LYRM1: variants seen among roughly 807,000 people sequenced by gnomAD.
LYRM1 encodes LYR motif-containing protein 1.
In LYRM1, 14 loss-of-function variants were observed where a neutral mutation model predicts 14.9. That is an observed-to-expected ratio of 0.94 (90% CI 0.62 to 1.47). The LOEUF is 1.47. Among genes scored for constraint, LYRM1 ranks in the 40% most tolerant of loss-of-function variants. The probability of loss-of-function intolerance (pLI) is 0.00; values close to 1 mark genes in which losing one functional copy is unlikely to be tolerated. For synonymous variants in LYRM1, 43 were observed against 56.2 expected (o/e 0.77, Z 1.05); for missense variants, 153 against 149.9 (o/e 1.02, Z -0.11).
At chr16:20,923,573 A>G (rs2083315302) in intron 3 of LYRM1, among the ~76,000 whole-genome samples, 1 of 151,826 alleles carries the variant, frequency 6.6e-6, no homozygotes, top group East Asian at 1.9e-4. Flanking sequence ...CTTGCTAGGC[A>G]GTTAGTTTGA....
At chr16:20,910,863 G>A (rs1384418144) in intron 1 of LYRM1, among the ~76,000 whole-genome samples, 1 of 152,178 alleles carries the variant, frequency 6.6e-6, no homozygotes, top group Non-Finnish European at 1.5e-5. Flanking sequence ...TGCAGTCAAG[G>A]AAGTTCCGTC....
chr16:20,904,557 G>A (rs143155589), intron 1 of LYRM1, among the ~76,000 whole-genome samples: 1 of 152,202 alleles, frequency 6.6e-6, no homozygotes, highest in Non-Finnish European at 1.5e-5. Flanking sequence ...TAAAATAGCT[G>A]CGGTATGATT....
At chr16:20,900,328 T>C (rs1313461754), upstream of LYRM1, 5 of 149,834 alleles carry the variant, frequency 3.3e-5, no homozygotes, top group African/African-American at 1.2e-4. Context: ...CCGCCTCTTC[T>C]TCCACCACTG....
At chr16:20,910,937 C>T (rs1297689032) in intron 1 of LYRM1, among the ~76,000 whole-genome samples, 1 of 152,226 alleles carries the variant, frequency 6.6e-6, no homozygotes, top group Non-Finnish European at 1.5e-5. Context: ...CTGTACCTCA[C>T]AGGAACTGAC....
At position 20,923,999 on chromosome 16, in the gene LYRM1, G is replaced by T; in HGVS notation, c.253-1G>T. On this transcript the variant is annotated splice_acceptor_variant, in intron 3 of 3. Transcript: ENST00000567954. LOFTEE classifies it high-confidence loss of function. The stretch of plus-strand genomic sequence containing the variant: ...TTCTTCATATTATTGTTCTTATTCA[G>T]ATTCATCTGCCTCCAATGGGCCTTA... The T allele has an allele frequency of 6.5e-7, 1 of 1,541,122 alleles. No individual in the cohort carries two copies.
chr16:20,901,438 TG>T lies in LYRM1; in HGVS notation c.-1+555del, dbSNP rs1042820038. On this transcript the variant is annotated intron_variant, in intron 1 of 3. Transcript: ENST00000567954. The surrounding 1 kb of genome is among the most constrained non-coding windows in gnomAD (Gnocchi z 4.6). Reference sequence around the variant, plus strand: ...AAAGACCGGATGAGGTGACAGAAGATGGGGGGAGGGCCCCTCGAAATCGGGT... The same window carrying T: ...AAAGACCGGATGAGGTGACAGAAGATGGGGGAGGGCCCCTCGAAATCGGGT... 3.3e-5 allele frequency among the ~76,000 whole-genome samples: 5 copies of T among 152,122 alleles called. No individual in the cohort carries two copies. The highest frequency in any genetic ancestry group is 5.9e-5 in the Non-Finnish European group (4 of 67,958).
intron 1 of LYRM1, among the ~76,000 whole-genome samples, chr16:20,914,194 G>A (rs1012748485): frequency 4.6e-5 from 7 of 151,428 alleles, no homozygotes; most frequent in African/African-American, 1.5e-4. Flanking sequence ...GGTTGTGACA[G>A]ACTAAAAGAG....
intron 2 of LYRM1, among the ~76,000 whole-genome samples, chr16:20,919,531 G>T (rs2083080353): frequency 6.6e-6 from 1 of 152,292 alleles, no homozygotes; most frequent in Admixed American, 6.5e-5. Context: ...ATGCATGTAA[G>T]CAAAGTAATT....
chr16:20,902,311 A>G (rs1412409818), intron 1 of LYRM1, among the ~76,000 whole-genome samples: 1 of 152,276 alleles, frequency 6.6e-6, no homozygotes, highest in African/African-American at 2.4e-5. Flanking sequence ...ATTAAGTTTG[A>G]TAAGTCTATT....
rs1235603430 is a variant in LYRM1 at position 20,901,821 on chromosome 16, G to T, written c.-1+932G>T. On this transcript the variant is annotated intron_variant, in intron 1 of 3. Transcript: ENST00000567954. This position sits in a 1 kb window ranked among gnomAD's most constrained non-coding sequence, Gnocchi z 4.6. ...TGTTGCACTGTAAGACAAAGGAGAG[G>T]TGAAGATAGTGTTGAAAGGGCCGGC... Among the ~76,000 whole-genome samples the T allele has an allele frequency of 6.6e-6, 1 of 152,204 alleles. No individual in the cohort carries two copies. Among genetic ancestry groups the T allele is most frequent in the Non-Finnish European group, 1.5e-5 (1 of 68,042 alleles).
At chr16:20,911,082 T>G (rs1349038123) in intron 1 of LYRM1, 2 of 152,220 alleles carry the variant, frequency 1.3e-5, no homozygotes, top group Non-Finnish European at 2.9e-5. Flanking sequence ...ATGTTCTCTC[T>G]TGGTTTTTAT....
chr16:20,915,802 C>A, intron 2 of LYRM1, 88 bp downstream of exon 2: 2 of 1,396,468 alleles, frequency 1.4e-6, no homozygotes, highest in East Asian at 2.4e-5. Context: ...ATCAAGAGGG[C>A]TGAGCCGCAC....
chr16:20,914,839 C>T (rs1318978126), intron 1 of LYRM1, among the ~76,000 whole-genome samples: 1 of 152,120 alleles, frequency 6.6e-6, no homozygotes, highest in Admixed American at 6.5e-5. Context: ...CCTGCCAGGC[C>T]GCAGAGGCAC....
intron 3 of LYRM1, 79 bp downstream of exon 3, chr16:20,920,293 G>A: frequency 9.2e-7 from 1 of 1,087,318 alleles, no homozygotes; most frequent in African/African-American, 1.5e-5. Context: ...GTAACAAGAG[G>A]GCGAGTGCTT....
intron 1 of LYRM1, among the ~76,000 whole-genome samples, chr16:20,912,749 A>G (rs2082659912): frequency 6.6e-6 from 1 of 152,032 alleles, no homozygotes; most frequent in Non-Finnish European, 1.5e-5. Context: ...AGCAAATTGC[A>G]GAACTTACCT....
At chr16:20,919,241 G>A (rs976904883) in intron 2 of LYRM1, among the ~76,000 whole-genome samples, 4 of 152,192 alleles carry the variant, frequency 2.6e-5, no homozygotes, top group African/African-American at 9.7e-5. Context: ...GACAGTTTAA[G>A]AGGTGTAGAT....
At chr16:20,915,857 C>T in intron 2 of LYRM1, 143 bp downstream of exon 2, 1 of 802,556 alleles carries the variant, frequency 1.2e-6, no homozygotes, top group East Asian at 2.8e-5. Context: ...CAGTGCACAG[C>T]TTGGCTAGCT....
intron 1 of LYRM1, among the ~76,000 whole-genome samples, chr16:20,902,184 G>C (rs2082098173): frequency 6.6e-6 from 1 of 152,228 alleles, no homozygotes; most frequent in African/African-American, 2.4e-5. Context: ...GGGAGGTAGT[G>C]CTTGCAGGAC....
intron 2 of LYRM1, among the ~76,000 whole-genome samples, chr16:20,918,543 G>C (rs2083025203): frequency 6.6e-6 from 1 of 152,198 alleles, no homozygotes; most frequent in Non-Finnish European, 1.5e-5. Context: ...GGATATGGCA[G>C]AATCATGCAG....
Sources: gnomAD v4.1 joint callset for allele counts (sites outside exome capture counted in the v4.1 genomes callset) on GRCh38, gnomAD v4.1.1 for gene constraint, Gnocchi (gnomAD v3.1) non-coding constraint, MANE v1.5 for transcripts, NCBI Gene and HGNC (gene_info 2026-07-23, HGNC 2026-07-21) for gene names.